Variants in ACYP2 observed in about 807,000 individuals in gnomAD.
ACYP2 encodes acylphosphatase 2.
ACYP2 carries 12 observed loss-of-function variants against 11.2 expected under a neutral mutation model. The ratio of observed to expected loss-of-function variants is 1.08; its 90% CI spans 0.69 to 1.74. The LOEUF is 1.74. Among genes scored for constraint, ACYP2 ranks in the 40% most tolerant of loss-of-function variants. The pLI, the probability that ACYP2 is intolerant of heterozygous loss-of-function variation, is 0.00. For synonymous variants in ACYP2, 43 were observed against 32.2 expected (o/e 1.33, Z -1.13); for missense variants, 134 against 101.9 (o/e 1.31, Z -1.35).
intron 4 of ACYP2, among the ~76,000 whole-genome samples, chr2:54,073,580 T>C (rs536292341): frequency 6.6e-6 from 1 of 152,046 alleles, no homozygotes; most frequent in Non-Finnish European, 1.5e-5. Context: ...GACACCACCA[T>C]CAAGAAAGTG....
intron 4 of ACYP2, among the ~76,000 whole-genome samples, chr2:54,095,093 C>G (rs868492495): frequency 1.5e-4 from 23 of 151,218 alleles, no homozygotes; most frequent in Admixed American, 7.3e-4. Flanking sequence ...TGACTCTTAA[C>G]GAGCATGCTG....
At chr2:54,013,844 G>A (rs1445782445) in intron 2 of ACYP2, among the ~76,000 whole-genome samples, 2 of 152,048 alleles carry the variant, frequency 1.3e-5, no homozygotes, top group Non-Finnish European at 2.9e-5. Context: ...ACAATTTGTG[G>A]TTACAATGGA....
intron 2 of ACYP2, among the ~76,000 whole-genome samples, chr2:54,049,879 C>G (rs948942063): frequency 6.6e-6 from 1 of 152,124 alleles, no homozygotes; most frequent in African/African-American, 2.4e-5. Context: ...TGTATTTTCC[C>G]TTATCCAGCC....
intron 4 of ACYP2, among the ~76,000 whole-genome samples, chr2:54,122,520 G>A (rs1340405682): frequency 6.6e-6 from 1 of 152,200 alleles, no homozygotes. Context: ...GAAAAAGTAT[G>A]GGGAGGCCAC....
chr2:54,165,284 T>C (rs1020838514), intron 6 of ACYP2, among the ~76,000 whole-genome samples: 1 of 152,208 alleles, frequency 6.6e-6, no homozygotes, highest in African/African-American at 2.4e-5. Flanking sequence ...TTTTTGGTTT[T>C]GTATCTCCTT....
intron 2 of ACYP2, among the ~76,000 whole-genome samples, chr2:54,030,870 G>T (rs190757231): frequency 5.3e-5 from 8 of 152,000 alleles, no homozygotes; most frequent in Non-Finnish European, 1.5e-5. Flanking sequence ...ATATAAACAA[G>T]TTCACCCAAA....
At chr2:54,115,885 C>A (rs1679750204) in intron 4 of ACYP2, 129 bp downstream of exon 1, 1 of 1,196,680 alleles carries the variant, frequency 8.4e-7, no homozygotes, top group Admixed American at 3.6e-5. Context: ...CGCCATGACA[C>A]AGCAGCGGCG....
At chr2:54,227,490 T>C (rs769800493) in intron 6 of ACYP2, among the ~76,000 whole-genome samples, 5 of 151,884 alleles carry the variant, frequency 3.3e-5, no homozygotes, top group Non-Finnish European at 5.9e-5. Flanking sequence ...ATACAAAAAA[T>C]TATCCGGTTC....
Position 54,253,074 on chromosome 2 carries a change from G to T in ACYP2, c.405-51614G>T, listed in dbSNP as rs968524993. The stretch of plus-strand genomic sequence containing the variant: ...CTAAAAATACAAAAATTAGCCAGGC[G>T]TGGTGGCACACACCTATAATCCCAG... On this transcript the variant is annotated intron_variant, in intron 6 of 6. Transcript: ENST00000607452. The T allele has an allele frequency of 2.1e-4, 32 of 152,148 alleles. 7 individuals are homozygous for T. Among genetic ancestry groups the T allele is most frequent in the Admixed American group, 2.0e-3 (31 of 15,272 alleles). 9.4% of individuals were successfully genotyped at this position (152,148 alleles called of 1,614,324 possible). A position where few individuals can be genotyped will look rare whatever the true frequency, so the allele number is the denominator to read the frequency against.
chr2:54,196,182 C>T (rs1466928191), intron 6 of ACYP2, among the ~76,000 whole-genome samples: 2 of 152,140 alleles, frequency 1.3e-5, no homozygotes, highest in South Asian at 2.1e-4. Flanking sequence ...AGAACTTCTG[C>T]CATACCTTGA....
intron 2 of ACYP2, among the ~76,000 whole-genome samples, chr2:53,994,628 C>A (rs1573471666): frequency 6.6e-6 from 1 of 151,898 alleles, no homozygotes; most frequent in Non-Finnish European, 1.5e-5. Flanking sequence ...CTACCAAGAC[C>A]TACTTCAAAA....
intron 2 of ACYP2, among the ~76,000 whole-genome samples, chr2:53,988,108 T>C (rs1047372454): frequency 6.6e-6 from 1 of 152,156 alleles, no homozygotes; most frequent in Admixed American, 6.6e-5. Flanking sequence ...TGCGCACCTG[T>C]AATCCCAGTG....
intron 6 of ACYP2, among the ~76,000 whole-genome samples, chr2:54,258,719 C>G (rs1040130961): frequency 6.6e-6 from 1 of 152,070 alleles, no homozygotes; most frequent in African/African-American, 2.4e-5. Flanking sequence ...GGATGGTGGA[C>G]ATAGTATGAT....
At chr2:54,001,710 G>T (rs1672812458) in intron 2 of ACYP2, among the ~76,000 whole-genome samples, 1 of 152,168 alleles carries the variant, frequency 6.6e-6, no homozygotes. Context: ...ACTTATTTCT[G>T]CGTCCTATTC....
At chr2:54,134,536 ATTTTG>A (rs1330483439) in intron 4 of ACYP2, among the ~76,000 whole-genome samples, 1 of 152,172 alleles carries the variant, frequency 6.6e-6, no homozygotes, top group Non-Finnish European at 1.5e-5. Flanking sequence ...TGTAATAACT[ATTTTG>A]TTTTATTTAG....
chr2:54,021,671 A>G (rs12052354), intron 2 of ACYP2, among the ~76,000 whole-genome samples: 10,122 of 152,300 alleles, frequency 0.066, 499 homozygotes, highest in East Asian at 0.27. Flanking sequence ...AAACATATTC[A>G]TTGCCTCCTC....
intron 6 of ACYP2, among the ~76,000 whole-genome samples, chr2:54,243,773 C>G (rs1686831828): frequency 6.6e-6 from 1 of 152,122 alleles, no homozygotes; most frequent in African/African-American, 2.4e-5. Context: ...TGGGGTTTTA[C>G]CATGTTGGCC....
At chr2:53,972,706 C>T (rs915099821) in intron 1 of ACYP2, among the ~76,000 whole-genome samples, 1 of 152,178 alleles carries the variant, frequency 6.6e-6, no homozygotes, top group African/African-American at 2.4e-5. Flanking sequence ...TAATCATGGC[C>T]TGGATGTCAG....
rs569012882 is a variant in ACYP2, at chr2:53,987,701, A to G, written c.62+13891A>G. Among the ~76,000 whole-genome samples, 4 of 152,250 alleles carry G rather than the reference A, an allele frequency of 2.6e-5. No homozygotes were observed. The East Asian group carries it at 7.7e-4, about 29-fold the overall frequency. ...TAAGCATGCCATGATCTCATTGTGG[A>G]TTTAATTTGCATTCTTCTAATGAGT... On this transcript the variant is annotated intron_variant, in intron 2 of 6. Coordinates refer to ENST00000607452, the MANE Select transcript of ACYP2 (RefSeq NM_001320586.2).
Sources: allele counts gnomAD v4.1 joint callset (sites outside exome capture counted in the v4.1 genomes callset), GRCh38; gene constraint gnomAD v4.1.1; transcripts MANE v1.5; gene names NCBI Gene and HGNC (gene_info 2026-07-23, HGNC 2026-07-21).